Variants in CD36 observed in about 807,000 individuals in gnomAD.
CD36 encodes the protein CD36 molecule (CD36 blood group).
In CD36, 119 loss-of-function variants were observed where a neutral mutation model predicts 55.2. The observed-to-expected ratio is 2.15, with a 90% CI of 1.86 to 2.51. CD36 has a LOEUF of 2.51. CD36 is among the 30% of genes most tolerant of loss of function. The pLI is 0.00. For missense variants in CD36, 819 were observed against 555.5 expected, an observed-to-expected ratio of 1.47 and a Z score of -4.77; for synonymous variants, 186 against 193.6, an observed-to-expected ratio of 0.96 and a Z score of 0.33.
intron 1 of CD36, among the ~76,000 whole-genome samples, chr7:80,640,964 T>G (rs1280983335): frequency 3.3e-5 from 5 of 152,188 alleles, no homozygotes; most frequent in Non-Finnish European, 5.9e-5. Flanking sequence ...GAAATGGACA[T>G]GAGATAATTT....
chr7:80,664,491 G>A lies in CD36; in HGVS notation c.695G>A (p.Gly232Asp). Residue 232 changes from glycine to aspartate, a missense_variant, in exon 7 of 15, where the codon GGT becomes GAT. Physicochemically the swap from Gly to Asp is moderately conservative, Grantham distance 94. Transcript: ENST00000447544. ...SKVAIIDTYK[G>D]KRNLSYWESH... The stretch of plus-strand genomic sequence containing the variant: ...GTTGCCATAATCGACACATATAAAG[G>A]TAAAAGGTAAGTATTCTGGTAAAAT... The A allele has an allele frequency of 2.0e-6, 3 of 1,518,210 alleles. No homozygotes were observed. The highest frequency in any genetic ancestry group is 1.4e-5 in the African/African-American group (1 of 72,694). The allele number at this position is 1,518,210 out of a possible 1,614,324, so 94.0% of individuals were successfully genotyped here.
intron 10 of CD36, 76 bp from the exon 11 acceptor site, chr7:80,671,846 G>A: frequency 1.5e-6 from 2 of 1,345,474 alleles, no homozygotes; most frequent in Non-Finnish European, 2.1e-6. Flanking sequence ...CTTTAGTTTT[G>A]TGGAAATATT....
intron 6 of CD36, among the ~76,000 whole-genome samples, chr7:80,664,095 T>A (rs1332357659): frequency 6.6e-6 from 1 of 152,120 alleles, no homozygotes; most frequent in African/African-American, 2.4e-5. Flanking sequence ...TCTTATAGGT[T>A]TGTTCAATGT....
chr7:80,629,365 T>A (rs530127209), intron 1 of CD36, among the ~76,000 whole-genome samples: 31 of 152,162 alleles, frequency 2.0e-4, no homozygotes, highest in African/African-American at 7.5e-4. Flanking sequence ...CCACTGCTGT[T>A]CAACAAAGGA....
At position 80,646,203 on chromosome 7, in the gene CD36, T is replaced by C. The variant is rs13306228; in HGVS notation, c.-90+22T>C. ...TAAGGTATCGTAAATAAAACATCTG[T>C]TACCATACTTGCTTATCATTTAATG... On this transcript the variant is annotated intron_variant, in intron 2 of 14. Coordinates refer to ENST00000447544, the MANE Select transcript of CD36 (RefSeq NM_001001548.3). The C allele has an allele frequency of 3.5e-4, 56 of 160,172 alleles. 1 individual carries two copies. In the East Asian group the frequency reaches 8.5e-3, roughly 24 times the overall value. 9.9% of individuals were successfully genotyped at this position (160,172 alleles called of 1,614,324 possible).
chr7:80,602,577 C>T (rs1256752670), intron 1 of CD36, among the ~76,000 whole-genome samples: 1 of 151,970 alleles, frequency 6.6e-6, no homozygotes, highest in Non-Finnish European at 1.5e-5. Flanking sequence ...GCTTTTTAAC[C>T]CTTAAACCTC....
intron 7 of CD36, among the ~76,000 whole-genome samples, chr7:80,665,534 C>T (rs533329134): frequency 1.4e-5 from 2 of 146,218 alleles, no homozygotes; most frequent in African/African-American, 4.9e-5. Context: ...GGGAAAAAAA[C>T]ACTTCTAAGT....
chr7:80,666,144 T>C (rs1797070822), intron 7 of CD36: 1 of 353,412 alleles, frequency 2.8e-6, no homozygotes, highest in African/African-American at 2.1e-5. Flanking sequence ...AAATTTCCCC[T>C]AAGTAGAGAT....
At chr7:80,614,593 CTT>C (rs1793045028) in intron 1 of CD36, among the ~76,000 whole-genome samples, 1 of 152,024 alleles carries the variant, frequency 6.6e-6, no homozygotes, top group Non-Finnish European at 1.5e-5. Flanking sequence ...GTATCTTAAT[CTT>C]TGCTTCTTCT....
chr7:80,672,016 T>C lies in CD36; in HGVS notation c.1101T>C (p.His367=), dbSNP rs141604812. The C allele has an allele frequency of 1.5e-5, 24 of 1,607,938 alleles. No homozygotes were observed. In the Middle Eastern group the frequency reaches 8.8e-4, roughly 59 times the overall value. ...GATTAAACCCAAATGAAGAAGAACA[T>C]AGGACATACTTGGATATTGAACCTG... The part of the protein sequence containing the change: ...IDGLNPNEEE[H]RTYLDIEPIT... The change falls in exon 11 of 15, where the codon CAT becomes CAC. Residue 367 remains histidine (H), a synonymous_variant. Transcript: ENST00000447544.
chr7:80,669,436 G>A (rs1797430536), intron 8 of CD36, among the ~76,000 whole-genome samples: 1 of 152,054 alleles, frequency 6.6e-6, no homozygotes, highest in South Asian at 2.1e-4. Context: ...ATATAGTTTT[G>A]TTTTGTTTGA....
chr7:80,643,824 C>G (rs1794970264), intron 1 of CD36, among the ~76,000 whole-genome samples: 1 of 152,136 alleles, frequency 6.6e-6, no homozygotes, highest in Non-Finnish European at 1.5e-5. Flanking sequence ...AGTGACAAAT[C>G]AGTCTTTGGT....
chr7:80,633,609 A>G (rs889531925), intron 1 of CD36, among the ~76,000 whole-genome samples: 12 of 151,996 alleles, frequency 7.9e-5, no homozygotes, highest in Non-Finnish European at 1.2e-4. Flanking sequence ...GATATTTTTT[A>G]TTACTGCATG....
chr7:80,623,838 A>G (rs1009114753), intron 1 of CD36: 2 of 152,214 alleles, frequency 1.3e-5, no homozygotes, highest in Non-Finnish European at 2.9e-5. Context: ...ATCCCTGGAG[A>G]GGGGACTGTT....
At chr7:80,622,103 C>A (rs746502136) in intron 1 of CD36, among the ~76,000 whole-genome samples, 9 of 152,220 alleles carry the variant, frequency 5.9e-5, no homozygotes, top group Non-Finnish European at 1.2e-4. Context: ...GGCCCCATAC[C>A]CAGCCACATG....
intron 1 of CD36, among the ~76,000 whole-genome samples, chr7:80,607,644 C>A (rs143978973): frequency 1.2e-4 from 18 of 152,250 alleles, no homozygotes; most frequent in African/African-American, 4.3e-4. Flanking sequence ...CACCTGTAAT[C>A]TGAATGTTGA....
intron 3 of CD36, among the ~76,000 whole-genome samples, chr7:80,655,490 A>G (rs1795980865): frequency 6.6e-6 from 1 of 152,074 alleles, no homozygotes; most frequent in Admixed American, 6.6e-5. Flanking sequence ...TGTATTTTCC[A>G]CTTGTCTATC....
At position 80,632,804 on chromosome 7, in the gene CD36, A is replaced by G. The variant is rs557768935; in HGVS notation, c.-183-13284A>G. Among the ~76,000 whole-genome samples, 13 of 152,114 alleles carry G rather than the reference A, an allele frequency of 8.5e-5. 1 individual carries two copies. The East Asian group carries it at 2.1e-3, about 25-fold the overall frequency. On this transcript the variant is annotated intron_variant, in intron 1 of 13. Transcript: ENST00000309881. ...CTCAAAATTATTTATTTTATTTTAAAGACTCCACTTTAGGGACCACCTTTT... is the reference window on the plus strand; with the variant it reads ...CTCAAAATTATTTATTTTATTTTAAGGACTCCACTTTAGGGACCACCTTTT...
At chr7:80,648,503 T>C (rs1003448326) in intron 3 of CD36, among the ~76,000 whole-genome samples, 4 of 151,936 alleles carry the variant, frequency 2.6e-5, no homozygotes, top group East Asian at 1.9e-4. Flanking sequence ...TGTGAGGTGC[T>C]AGCATTTATT....
Sources: gnomAD v4.1 joint callset for allele counts (sites outside exome capture counted in the v4.1 genomes callset) on GRCh38, gnomAD v4.1.1 for gene constraint, MANE v1.5 for transcripts, NCBI Gene and HGNC (gene_info 2026-07-23, HGNC 2026-07-21) for gene names.